PPARG: variants seen among roughly 807,000 people sequenced by gnomAD.
PPARG encodes the protein peroxisome proliferator-activated receptor gamma.
Under a neutral mutation model 39.2 loss-of-function variants are expected in PPARG, and 17 were observed. The observed-to-expected ratio is 0.43, with a 90% CI of 0.30 to 0.65. The LOEUF is 0.65. PPARG is among the 30% of genes least tolerant of loss of function. The pLI is 0.13. For missense variants in PPARG, 406 were observed against 585.9 expected (o/e 0.69, Z 3.17); for synonymous variants, 223 against 215.7 (o/e 1.03, Z -0.30).
chr3:12,362,527 A>G (rs529318705), intron 2 of PPARG, among the ~76,000 whole-genome samples: 2 of 26,962 alleles, frequency 7.4e-5, no homozygotes, highest in African/African-American at 5.4e-4. Flanking sequence ...TCAAAAATAA[A>G]TAAATAAATA....
chr3:12,347,678 A>C (rs1216672143), intron 2 of PPARG, among the ~76,000 whole-genome samples: 1 of 152,196 alleles, frequency 6.6e-6, no homozygotes, highest in African/African-American at 2.4e-5. Flanking sequence ...CTTCCGTGGG[A>C]GCATCATCCA....
chr3:12,356,655 G>A (rs554900173), intron 2 of PPARG, among the ~76,000 whole-genome samples: 6 of 152,072 alleles, frequency 3.9e-5, no homozygotes, highest in Non-Finnish European at 8.8e-5. Context: ...AATATTTATT[G>A]AGTGCCGATT....
intron 2 of PPARG, among the ~76,000 whole-genome samples, chr3:12,337,665 G>A (rs936407749): frequency 6.6e-6 from 1 of 152,132 alleles, no homozygotes; most frequent in Non-Finnish European, 1.5e-5. Context: ...GTCGAGCCTG[G>A]CTCTTCTGTT....
At chr3:12,384,537 C>T (rs2049803390) in intron 4 of PPARG, among the ~76,000 whole-genome samples, 2 of 152,190 alleles carry the variant, frequency 1.3e-5, no homozygotes, top group African/African-American at 4.8e-5. Context: ...TTAACCACAT[C>T]CTACTCAGGT....
intron 2 of PPARG, 28 bp from the exon 3 acceptor site, chr3:12,379,676 T>C (rs750975453): frequency 1.9e-6 from 3 of 1,586,222 alleles, no homozygotes; most frequent in Admixed American, 3.3e-5. Context: ...AGGACTTAAC[T>C]TCACAGCTAG....
intron 4 of PPARG, among the ~76,000 whole-genome samples, chr3:12,387,892 T>G (rs1211213880): frequency 6.8e-6 from 1 of 147,486 alleles, no homozygotes; most frequent in Non-Finnish European, 1.5e-5. Context: ...GTTAATTTTG[T>G]ATATGGTGTA....
At chr3:12,298,300 A>C (rs1276760035) in intron 1 of PPARG, among the ~76,000 whole-genome samples, 3 of 41,292 alleles carry the variant, frequency 7.3e-5, no homozygotes, top group Non-Finnish European at 2.1e-4. Context: ...CTCTGTCTCA[A>C]AAAAAAAAAA....
intron 2 of PPARG, among the ~76,000 whole-genome samples, chr3:12,314,132 C>A (rs532119729): frequency 1.3e-5 from 2 of 152,238 alleles, no homozygotes; most frequent in East Asian, 3.9e-4. Flanking sequence ...TAAAAATTAG[C>A]TGGGTGTGAT....
chr3:12,336,626 G>A (rs1236433012), intron 2 of PPARG, among the ~76,000 whole-genome samples: 1 of 152,074 alleles, frequency 6.6e-6, no homozygotes, highest in Non-Finnish European at 1.5e-5. Flanking sequence ...TTCTCCTTTA[G>A]AGTCCTCCAG....
rs2051083723 is a variant in PPARG at position 12,416,990 on chromosome 3, T to C, written c.1016T>C (p.Ile339Thr). Reference sequence around the variant, plus strand: ...TTGATGAATAAAGATGGGGTTCTCATATCCGAGGGCCAAGGCTTCATGACA... The same window carrying C: ...TTGATGAATAAAGATGGGGTTCTCACATCCGAGGGCCAAGGCTTCATGACA... The part of the protein sequence containing the change: ...ASLMNKDGVL[I>T]SEGQGFMTRE... Residue 339 changes from isoleucine (I) to threonine (T), a missense_variant, in exon 7 of 8, where the codon ATA (isoleucine) becomes ACA (threonine). Ile to Thr is a moderately conservative substitution (Grantham distance 89). This residue lies in a region of PPARG where 275 missense variants were observed against 458.0 expected (regional missense o/e 0.60). Coordinates refer to ENST00000651735, the MANE Select transcript of PPARG (RefSeq NM_138711.6). The C allele has an allele frequency of 1.2e-6, 2 of 1,614,042 alleles. No individual in the cohort carries two copies. Among genetic ancestry groups the C allele is most frequent in the African/African-American group, 2.7e-5 (2 of 75,032 alleles).
At chr3:12,302,560 A>G (rs145807511) in intron 1 of PPARG, among the ~76,000 whole-genome samples, 1 of 152,254 alleles carries the variant, frequency 6.6e-6, no homozygotes, top group Non-Finnish European at 1.5e-5. Context: ...AGGTAACCAA[A>G]AGAGAAAATA....
intron 2 of PPARG, among the ~76,000 whole-genome samples, chr3:12,373,308 A>G (rs1438425300): frequency 1.3e-5 from 2 of 152,072 alleles, no homozygotes; most frequent in Non-Finnish European, 2.9e-5. Context: ...GGCAGGGGGG[A>G]AGGGGAAAAG....
intron 2 of PPARG, among the ~76,000 whole-genome samples, chr3:12,325,452 A>G (rs1269424367): frequency 1.3e-5 from 2 of 150,786 alleles, no homozygotes; most frequent in African/African-American, 4.9e-5. Flanking sequence ...AGTATAAAAA[A>G]CGAGCCAGTG....
chr3:12,419,677 C>T (rs2051197460), intron 7 of PPARG, among the ~76,000 whole-genome samples: 1 of 151,988 alleles, frequency 6.6e-6, no homozygotes, highest in African/African-American at 2.4e-5. Context: ...CAATGTTGGC[C>T]AGTCTGGTCT....
At chr3:12,400,829 T>G (rs1018175005) in intron 5 of PPARG, among the ~76,000 whole-genome samples, 1 of 152,232 alleles carries the variant, frequency 6.6e-6, no homozygotes. Flanking sequence ...CTTTTCTAAG[T>G]TCCTCATTCA....
intron 1 of PPARG, among the ~76,000 whole-genome samples, chr3:12,308,277 G>T (rs192613667): frequency 7.1e-6 from 1 of 141,566 alleles, no homozygotes; most frequent in African/African-American, 2.6e-5. Context: ...CTGGGTGGTT[G>T]AGGCTACAGT....
intron 2 of PPARG, among the ~76,000 whole-genome samples, chr3:12,337,975 C>T (rs867541592): frequency 3.3e-5 from 5 of 152,090 alleles, no homozygotes; most frequent in Admixed American, 6.6e-5. Context: ...GTATCCACAA[C>T]GTCCTGGAAC....
chr3:12,403,058 G>A (rs531323523), intron 5 of PPARG, among the ~76,000 whole-genome samples: 6 of 152,124 alleles, frequency 3.9e-5, no homozygotes, highest in African/African-American at 1.2e-4. Flanking sequence ...TTTGGGAGGT[G>A]GAGGCAGGAG....
intron 7 of PPARG, among the ~76,000 whole-genome samples, chr3:12,432,754 G>A (rs2051703646): frequency 1.3e-5 from 2 of 152,118 alleles, no homozygotes; most frequent in African/African-American, 4.8e-5. Flanking sequence ...ATGATTAAAA[G>A]CTATTTGAAC....
Sources: gnomAD v4.1 joint callset for allele counts (sites outside exome capture counted in the v4.1 genomes callset) on GRCh38, gnomAD v4.1.1 for gene constraint, gnomAD v4.1.1 regional missense constraint, MANE v1.5 for transcripts, NCBI Gene and HGNC (gene_info 2026-07-23, HGNC 2026-07-21) for gene names.